FGD4: variants seen among roughly 807,000 people sequenced by gnomAD.
FGD4 encodes FYVE, RhoGEF and PH domain-containing protein 4.
FGD4 carries 42 observed loss-of-function variants against 102.0 expected under a neutral mutation model. The ratio of observed to expected loss-of-function variants is 0.41; its 90% CI spans 0.32 to 0.53. The LOEUF is 0.53. Among genes scored for constraint, FGD4 ranks in the 20% least tolerant of loss-of-function variants. FGD4 has a pLI of 0.21. For synonymous variants in FGD4, 380 were observed against 375.7 expected (o/e 1.01, Z -0.13); for missense variants, 902 against 1,078.2 (o/e 0.84, Z 2.29).
chr12:32,424,576 G>A (rs886842855), intron 1 of FGD4, among the ~76,000 whole-genome samples: 2 of 152,072 alleles, frequency 1.3e-5, no homozygotes, highest in South Asian at 2.1e-4. Context: ...AATCCTTTGG[G>A]TATATGCCCG....
chr12:32,552,421 G>A (rs938756312), intron 1 of FGD4, among the ~76,000 whole-genome samples: 17 of 147,040 alleles, frequency 1.2e-4, no homozygotes, highest in African/African-American at 4.0e-4. Context: ...CGCCATGCCC[G>A]ACTAATTTTT....
rs369486945 is a variant in FGD4 at position 32,475,274 on chromosome 12, T to G, written c.166+75315T>G. Among the ~76,000 whole-genome samples the G allele has an allele frequency of 3.3e-5, 5 of 152,342 alleles. No individual in the cohort carries two copies. In the East Asian group the frequency reaches 5.8e-4, roughly 18 times the overall value. ...TTTAACTGGCTCTATTAGTCCAAGC[T>G]GATGGTGTTTCCACTGGTATATTTC... On this transcript the variant is annotated intron_variant, in intron 1 of 16. Transcript: ENST00000534526.
chr12:32,524,094 T>C (rs1298733661), intron 1 of FGD4, among the ~76,000 whole-genome samples: 1 of 151,758 alleles, frequency 6.6e-6, no homozygotes, highest in East Asian at 1.9e-4. Context: ...ACCATGTTTG[T>C]GCTTAGAAGT....
chr12:32,480,578 G>T lies in FGD4; in HGVS notation c.166+80619G>T, dbSNP rs1468867043. On this transcript the variant is annotated intron_variant, in intron 1 of 16. Transcript: ENST00000534526. ...TGCAGTGGCGCAATCTCAGCTCACT[G>T]CAACCTCCACCTCCCAGGTTGAAGT... Among the ~76,000 whole-genome samples, 6 of 149,692 alleles carry T rather than the reference G, an allele frequency of 4.0e-5. No homozygotes were observed. In the South Asian group the frequency reaches 1.1e-3, roughly 26 times the overall value.
chr12:32,424,156 G>C (rs1473795200), intron 1 of FGD4, among the ~76,000 whole-genome samples: 1 of 152,084 alleles, frequency 6.6e-6, no homozygotes, highest in African/African-American at 2.4e-5. Context: ...TGCCATGGTG[G>C]TTTGCTGCAT....
chr12:32,413,765 A>G (rs1941295673), intron 1 of FGD4, among the ~76,000 whole-genome samples: 1 of 152,174 alleles, frequency 6.6e-6, no homozygotes, highest in Admixed American at 6.6e-5. Flanking sequence ...ACTTCGGACC[A>G]TGGTCACTTA....
chr12:32,463,217 C>T (rs1232452694), intron 1 of FGD4, among the ~76,000 whole-genome samples: 1 of 152,206 alleles, frequency 6.6e-6, no homozygotes, highest in Non-Finnish European at 1.5e-5. Flanking sequence ...AAAACAATAA[C>T]CATTACCGAA....
At chr12:32,630,895 T>C (rs1197436508) in intron 14 of FGD4, among the ~76,000 whole-genome samples, 1 of 151,890 alleles carries the variant, frequency 6.6e-6, no homozygotes. Context: ...GGAGGACGGC[T>C]TGAGCTCAGG....
At chr12:32,595,695 TGAG>T (rs1443974166) in intron 4 of FGD4, among the ~76,000 whole-genome samples, 1 of 152,126 alleles carries the variant, frequency 6.6e-6, no homozygotes, top group Admixed American at 6.5e-5. Flanking sequence ...TATTAAGAAA[TGAG>T]GGGTGGGAAA....
intron 16 of FGD4, 126 bp from the exon 17 acceptor site, chr12:32,640,150 C>A: frequency 7.1e-7 from 1 of 1,415,512 alleles, no homozygotes; most frequent in Non-Finnish European, 9.9e-7. Flanking sequence ...CCCTCTGTGC[C>A]CATGGAGAAC....
At chr12:32,564,399 T>C (rs553051086) in intron 2 of FGD4, 110 bp downstream of exon 2, 74 of 1,019,722 alleles carry the variant, frequency 7.3e-5, no homozygotes, top group Non-Finnish European at 9.2e-5. Context: ...AGGAAGGAAT[T>C]GGGTACATTA....
rs16920027 is a variant in FGD4, at chr12:32,552,746, C to T, written c.167-11391C>T. 5.3e-3 allele frequency among the ~76,000 whole-genome samples: 803 copies of T among 151,592 alleles called. 14 individuals carry two copies. Among genetic ancestry groups the T allele is most frequent in the African/African-American group, 0.018 (763 of 41,302 alleles). On this transcript the variant is annotated intron_variant, in intron 1 of 16. Coordinates refer to ENST00000534526, the MANE Select transcript of FGD4 (RefSeq NM_001370298.3). ...GCATGCCAAGGTACAGCAGAGCACA[C>T]TGGCCAGCTCCAATGCAAGAGTCAT...
chr12:32,611,677 C>T (rs1016536810), intron 10 of FGD4, among the ~76,000 whole-genome samples: 1 of 152,180 alleles, frequency 6.6e-6, no homozygotes, highest in African/African-American at 2.4e-5. Flanking sequence ...TTACATCTAA[C>T]CTGGTTTAGT....
intron 1 of FGD4, chr12:32,501,925 T>C (rs538077222): frequency 7.5e-6 from 4 of 532,460 alleles, no homozygotes; most frequent in Non-Finnish European, 9.6e-6. Context: ...AAGGGTAAAT[T>C]TGCTGGAAAG....
At chr12:32,631,948 T>C (rs978101575) in intron 14 of FGD4, among the ~76,000 whole-genome samples, 9 of 152,360 alleles carry the variant, frequency 5.9e-5, no homozygotes, top group East Asian at 5.8e-4. Context: ...GTGCTATGAT[T>C]TGAAAATAAA....
chr12:32,510,805 G>A (rs945717744), intron 1 of FGD4, among the ~76,000 whole-genome samples: 4 of 152,184 alleles, frequency 2.6e-5, no homozygotes, highest in African/African-American at 9.7e-5. Flanking sequence ...CATCTATCAG[G>A]TACGTGGAAC....
intron 10 of FGD4, among the ~76,000 whole-genome samples, chr12:32,619,472 C>CA (rs1042558297): frequency 8.1e-4 from 120 of 148,046 alleles, no homozygotes; most frequent in Admixed American, 2.4e-3. Context: ...ACTAAAAATA[C>CA]AAAAAAAAAA....
intron 2 of FGD4, among the ~76,000 whole-genome samples, chr12:32,574,367 T>G (rs917326661): frequency 5.3e-5 from 8 of 151,946 alleles, no homozygotes; most frequent in Non-Finnish European, 8.8e-5. Context: ...ATTTTCCTGT[T>G]TTACTGCATT....
chr12:32,534,440 T>C, intron 1 of FGD4: 1 of 1,526,652 alleles, frequency 6.6e-7, no homozygotes, highest in Admixed American at 2.0e-5. Context: ...CAAATATCTT[T>C]TTATTAAACC....
Sources: allele counts gnomAD v4.1 joint callset (sites outside exome capture counted in the v4.1 genomes callset), GRCh38; gene constraint gnomAD v4.1.1; transcripts MANE v1.5; gene names NCBI Gene and HGNC (gene_info 2026-07-23, HGNC 2026-07-21).